SHROOM3: variants seen among roughly 807,000 people sequenced by gnomAD.
SHROOM3 encodes shroom family member 3, also known as protein Shroom3.
SHROOM3 carries 47 observed loss-of-function variants against 138.6 expected under a neutral mutation model. The ratio of observed to expected loss-of-function variants is 0.34; its 90% CI spans 0.27 to 0.43. The LOEUF is 0.43. Ranked by LOEUF, SHROOM3 falls within the 20% of genes least tolerant of loss-of-function variation. The pLI is 1.00. For synonymous variants in SHROOM3, 1,062 were observed against 1,063.3 expected (o/e 1.00, Z 0.02); for missense variants, 2,491 against 2,596.5 (o/e 0.96, Z 0.88).
intron 3 of SHROOM3, among the ~76,000 whole-genome samples, chr4:76,726,572 ACTGT>A (rs1399705079): frequency 1.4e-5 from 2 of 141,794 alleles, no homozygotes; most frequent in African/African-American, 5.3e-5. Context: ...AATTTAAGAG[ACTGT>A]CTCTCTGGAA....
At chr4:76,746,093 G>C (rs1167140356) in intron 5 of SHROOM3, among the ~76,000 whole-genome samples, 1 of 152,166 alleles carries the variant, frequency 6.6e-6, no homozygotes, top group Admixed American at 6.5e-5. Flanking sequence ...TACAAAATTT[G>C]CCCAAGGTAG....
At chr4:76,594,616 T>G (rs1177619296) in intron 2 of SHROOM3, among the ~76,000 whole-genome samples, 2 of 152,230 alleles carry the variant, frequency 1.3e-5, no homozygotes, top group Non-Finnish European at 2.9e-5. Flanking sequence ...AGGCACTCAT[T>G]CATAGTTTAA....
At chr4:76,534,693 C>T (rs1443999326) in intron 1 of SHROOM3, among the ~76,000 whole-genome samples, 1 of 152,160 alleles carries the variant, frequency 6.6e-6, no homozygotes, top group Non-Finnish European at 1.5e-5. Context: ...CACAGTTTCT[C>T]ATCATGATCA....
intron 3 of SHROOM3, among the ~76,000 whole-genome samples, chr4:76,717,310 CTAGGTG>C (rs1354092876): frequency 6.6e-6 from 1 of 152,084 alleles, no homozygotes; most frequent in African/African-American, 2.4e-5. Context: ...ACTGACATAC[CTAGGTG>C]TAGTTTTTCT....
intron 1 of SHROOM3, among the ~76,000 whole-genome samples, chr4:76,541,251 A>G (rs977993361): frequency 7.9e-5 from 12 of 152,224 alleles, no homozygotes; most frequent in Non-Finnish European, 1.3e-4. Context: ...ACATAAACCA[A>G]CTGGAGCAAT....
At chr4:76,648,976 G>A (rs888289385) in intron 2 of SHROOM3, among the ~76,000 whole-genome samples, 35 of 137,452 alleles carry the variant, frequency 2.5e-4, no homozygotes, top group African/African-American at 6.8e-4. Flanking sequence ...ATAAAAAAAG[G>A]AGGACAAAAT....
At chr4:76,547,390 AC>A (rs113431762) in intron 1 of SHROOM3, among the ~76,000 whole-genome samples, 1,636 of 152,224 alleles carry the variant, frequency 0.011, 30 homozygotes, top group African/African-American at 0.036. Flanking sequence ...AATTATAATA[AC>A]CTTATTGTGT....
At chr4:76,665,595 T>G (rs1332529509) in intron 2 of SHROOM3, among the ~76,000 whole-genome samples, 1 of 152,238 alleles carries the variant, frequency 6.6e-6, no homozygotes, top group Non-Finnish European at 1.5e-5. Flanking sequence ...AATGGTGTTT[T>G]GTGATGTTTG....
rs759875727 is a variant in SHROOM3 at position 76,739,782 on chromosome 4, G to A, written c.1609G>A (p.Asp537Asn). The A allele has an allele frequency of 4.3e-6, 7 of 1,614,158 alleles. No homozygotes were observed. Among genetic ancestry groups the A allele is most frequent in the Middle Eastern group, 3.3e-4 (2 of 6,062 alleles). Residue 537 changes from aspartate (D) to asparagine (N), a missense_variant, in exon 5 of 11, where the codon GAC becomes AAC. Transcript: ENST00000296043. The stretch of plus-strand genomic sequence containing the variant: ...TGCCTTCTGCCAGCCCTTAGAACAT[G>A]ACTTGCTGTCCCCAGTGGAGAAGAA... ...GFAFCQPLEH[D>N]LLSPVEKKPE... is the part of the protein sequence containing the mutation.
chr4:76,741,083 C>T lies in SHROOM3; in HGVS notation c.2910C>T (p.Ser970=), dbSNP rs762680474. Residue 970 remains serine (S), a synonymous_variant, in exon 5 of 11, where the codon AGC becomes AGT. Transcript: ENST00000296043. This position sits in a 1 kb window ranked among gnomAD's most constrained non-coding sequence, Gnocchi z 6.2. ...RPSSAHVGLR[S]PEASASASPH... is the part of the protein sequence containing the mutation. The stretch of plus-strand genomic sequence containing the variant: ...CCTCGGCCCACGTGGGGCTGCGGAG[C>T]CCCGAGGCGTCGGCCTCCGCCTCCC... The T allele has an allele frequency of 8.2e-5, 126 of 1,539,704 alleles. No individual in the cohort carries two copies. The highest frequency in any genetic ancestry group is 5.7e-4 in the Admixed American group (28 of 49,494).
intron 1 of SHROOM3, among the ~76,000 whole-genome samples, chr4:76,495,068 G>T (rs1731935786): frequency 6.6e-6 from 1 of 152,212 alleles, no homozygotes; most frequent in African/African-American, 2.4e-5. Context: ...TAAGCAGATG[G>T]TTAAAATGCA....
chr4:76,568,099 C>T (rs115954414), intron 2 of SHROOM3, among the ~76,000 whole-genome samples: 2,242 of 152,202 alleles, frequency 0.015, 26 homozygotes, highest in Middle Eastern at 0.048. Flanking sequence ...ATAAGTTCTT[C>T]GATGGCAGGG....
At chr4:76,455,646 C>T (rs1731012363) in intron 1 of SHROOM3, among the ~76,000 whole-genome samples, 1 of 151,906 alleles carries the variant, frequency 6.6e-6, no homozygotes, top group African/African-American at 2.4e-5. Context: ...AACCAAGGGT[C>T]AAAGAATATA....
chr4:76,507,848 G>A (rs56843421), intron 1 of SHROOM3, among the ~76,000 whole-genome samples: 45,210 of 151,882 alleles, frequency 0.3, 7,592 homozygotes, highest in African/African-American at 0.44. Context: ...CTGGCCGGTC[G>A]TTTGTATATC....
At chr4:76,564,743 G>C (rs1396538265) in intron 2 of SHROOM3, among the ~76,000 whole-genome samples, 1 of 152,224 alleles carries the variant, frequency 6.6e-6, no homozygotes, top group African/African-American at 2.4e-5. Flanking sequence ...TCCTAGTGAA[G>C]GAGGTTTGAT....
At chr4:76,553,015 T>G (rs959272338) in intron 1 of SHROOM3, among the ~76,000 whole-genome samples, 5 of 152,234 alleles carry the variant, frequency 3.3e-5, no homozygotes, top group African/African-American at 1.2e-4. Flanking sequence ...CCTCTGCCCA[T>G]TAACTTAAGC....
At chr4:76,617,222 G>C (rs1329441950) in intron 2 of SHROOM3, among the ~76,000 whole-genome samples, 1 of 152,196 alleles carries the variant, frequency 6.6e-6, no homozygotes, top group Non-Finnish European at 1.5e-5. Flanking sequence ...TGCAGAAATA[G>C]AGTTATTTGT....
chr4:76,455,621 T>G (rs1731011781), intron 1 of SHROOM3, among the ~76,000 whole-genome samples: 1 of 151,982 alleles, frequency 6.6e-6, no homozygotes, highest in Non-Finnish European at 1.5e-5. Context: ...GAGCATGAAA[T>G]TCACAAAAAA....
At chr4:76,753,927 G>A (rs1198708863) in intron 6 of SHROOM3, among the ~76,000 whole-genome samples, 1 of 152,214 alleles carries the variant, frequency 6.6e-6, no homozygotes, top group African/African-American at 2.4e-5. Context: ...CCCCAGAGCT[G>A]GGAGCTATTT....
Sources: gnomAD v4.1 joint callset for allele counts (sites outside exome capture counted in the v4.1 genomes callset) on GRCh38, gnomAD v4.1.1 for gene constraint, Gnocchi (gnomAD v3.1) non-coding constraint, MANE v1.5 for transcripts, NCBI Gene and HGNC (gene_info 2026-07-23, HGNC 2026-07-21) for gene names.